The following EBF1 variants were observed in gnomAD, a reference collection of about 807,000 sequenced individuals.
EBF1 encodes the protein EBF transcription factor 1.
Under a neutral mutation model 68.4 loss-of-function variants are expected in EBF1, and 10 were observed. The ratio of observed to expected loss-of-function variants is 0.15; its 90% CI spans 0.09 to 0.25. EBF1 has a LOEUF of 0.25. Ranked by LOEUF, EBF1 falls within the 10% of genes least tolerant of loss-of-function variation. The pLI, the probability that EBF1 is intolerant of heterozygous loss-of-function variation, is 1.00. For missense variants in EBF1, 509 were observed against 794.4 expected, an observed-to-expected ratio of 0.64 and a Z score of 4.32; for synonymous variants, 298 against 299.8, an observed-to-expected ratio of 0.99 and a Z score of 0.06.
intron 6 of EBF1, among the ~76,000 whole-genome samples, chr5:158,950,153 T>C (rs1815662421): frequency 6.6e-6 from 1 of 152,146 alleles, no homozygotes; most frequent in African/African-American, 2.4e-5. Context: ...GGCCCAAAGG[T>C]CTCCAATTAA....
rs575312338 is a variant in EBF1, at chr5:159,030,639, A to T, written c.554+42757T>A. ...GAGCAAGGGGAGCAAGAAATTGGCGATGAGCAAGTACTGAATGTGTCTGGG... is the reference window on the plus strand; with the variant it reads ...GAGCAAGGGGAGCAAGAAATTGGCGTTGAGCAAGTACTGAATGTGTCTGGG... On this transcript the variant is annotated intron_variant, in intron 6 of 15. Coordinates refer to ENST00000313708, the MANE Select transcript of EBF1 (RefSeq NM_024007.5). 5.9e-5 allele frequency among the ~76,000 whole-genome samples: 9 copies of T among 152,344 alleles called. No individual in the cohort carries two copies. The South Asian group carries it at 1.9e-3, about 32-fold the overall frequency.
At chr5:158,985,896 A>C (rs958623384) in intron 6 of EBF1, 1 of 152,380 alleles carries the variant, frequency 6.6e-6, no homozygotes, top group Non-Finnish European at 1.5e-5. Flanking sequence ...TGCCAAGAGG[A>C]CCCATGGAGG....
At position 158,712,230 on chromosome 5, in the gene EBF1, G is replaced by A. The variant is rs1316048866; in HGVS notation, c.1473C>T (p.Tyr491=). Residue 491 remains tyrosine, a synonymous_variant, in exon 14 of 16, where the codon TAC becomes TAT. Transcript: ENST00000313708. ...YNSVTTSMNG[Y]GSAAMSNLGG... ...CCAAATTGGACATTGCGGCAGAGCC[G>A]TATCCGTTCATGCTCGTGGTGACGG... is the stretch of plus-strand genomic sequence containing the variant. 12 of 1,613,814 alleles carry A rather than the reference G, an allele frequency of 7.4e-6. No homozygotes were observed. The highest frequency in any genetic ancestry group is 1.0e-5 in the Non-Finnish European group (12 of 1,179,890).
intron 4 of EBF1, among the ~76,000 whole-genome samples, chr5:159,087,288 AT>A: frequency 6.9e-6 from 1 of 145,256 alleles, no homozygotes; most frequent in East Asian, 2.0e-4. Context: ...ATATATATAT[AT>A]ACACATATAT....
At chr5:158,968,386 A>T (rs191135014) in intron 6 of EBF1, among the ~76,000 whole-genome samples, 2 of 152,360 alleles carry the variant, frequency 1.3e-5, no homozygotes, top group South Asian at 4.1e-4. Flanking sequence ...TCGGCCTAAC[A>T]CTGCCACTGC....
chr5:158,984,354 T>C (rs994644279), intron 6 of EBF1, among the ~76,000 whole-genome samples: 2 of 152,216 alleles, frequency 1.3e-5, no homozygotes, highest in Non-Finnish European at 2.9e-5. Context: ...TTATACTTCA[T>C]TTTTCCATTT....
intron 6 of EBF1, among the ~76,000 whole-genome samples, chr5:159,009,833 G>A (rs1278512038): frequency 6.6e-6 from 1 of 151,502 alleles, no homozygotes; most frequent in African/African-American, 2.4e-5. Context: ...TAGCATAGCT[G>A]ACACTTGTTT....
chr5:158,737,081 T>C (rs1445604475), intron 10 of EBF1, among the ~76,000 whole-genome samples: 2 of 152,068 alleles, frequency 1.3e-5, no homozygotes, highest in Non-Finnish European at 2.9e-5. Flanking sequence ...GAAATGCTTT[T>C]ACAGCCTGGT....
intron 6 of EBF1, among the ~76,000 whole-genome samples, chr5:158,936,336 A>G (rs1480447015): frequency 6.6e-6 from 1 of 152,144 alleles, no homozygotes; most frequent in Non-Finnish European, 1.5e-5. Flanking sequence ...TCTCAGTTCA[A>G]ACTCAGCTGC....
intron 5 of EBF1, among the ~76,000 whole-genome samples, chr5:159,081,777 A>T (rs983243056): frequency 6.6e-6 from 1 of 152,206 alleles, no homozygotes; most frequent in African/African-American, 2.4e-5. Flanking sequence ...ATTTAAACAC[A>T]GGATGTCAGG....
At chr5:159,074,029 T>TTC (rs1778294146) in intron 5 of EBF1, among the ~76,000 whole-genome samples, 1 of 152,090 alleles carries the variant, frequency 6.6e-6, no homozygotes, top group African/African-American at 2.4e-5. Flanking sequence ...AGAATAAAGG[T>TTC]AAAACACAAT....
intron 6 of EBF1, among the ~76,000 whole-genome samples, chr5:158,848,974 TACTC>T (rs1562109094): frequency 6.6e-6 from 1 of 152,220 alleles, no homozygotes; most frequent in Non-Finnish European, 1.5e-5. Context: ...TTCATTCACT[TACTC>T]AACCAACAGA....
intron 6 of EBF1, among the ~76,000 whole-genome samples, chr5:158,981,838 G>A (rs1757958291): frequency 1.3e-5 from 2 of 152,000 alleles, no homozygotes; most frequent in South Asian, 2.1e-4. Context: ...CATCAAAACA[G>A]TGCTGATAGA....
At chr5:158,969,765 A>C (rs1010514092) in intron 6 of EBF1, among the ~76,000 whole-genome samples, 1 of 150,732 alleles carries the variant, frequency 6.6e-6, no homozygotes, top group Non-Finnish European at 1.5e-5. Context: ...ATAGAGTGAG[A>C]CTCTGGAAAG....
chr5:159,083,412 A>C (rs1780068972), intron 5 of EBF1, among the ~76,000 whole-genome samples: 1 of 152,226 alleles, frequency 6.6e-6, no homozygotes, highest in Non-Finnish European at 1.5e-5. Context: ...ACTGTTTTAA[A>C]ATTAGAGAAA....
Position 158,777,322 on chromosome 5 carries a change from A to C in EBF1, c.1036+91T>G. Reference sequence around the variant, plus strand: ...AAGCAGGCTTTAACTAGATTTTAAAATAAAATACATGCTTTTATACAGACA... The same window carrying C: ...AAGCAGGCTTTAACTAGATTTTAAACTAAAATACATGCTTTTATACAGACA... On this transcript the variant is annotated intron_variant, in intron 10 of 15. Coordinates refer to ENST00000313708, the MANE Select transcript of EBF1 (RefSeq NM_024007.5). 6 of 1,323,818 alleles carry C rather than the reference A, an allele frequency of 4.5e-6. No homozygotes were observed. The Admixed American group carries it at 1.7e-4, about 37-fold the overall frequency. 82.0% of individuals were successfully genotyped at this position (1,323,818 alleles called of 1,614,324 possible).
chr5:159,023,202 A>G (rs1767058947), intron 6 of EBF1, among the ~76,000 whole-genome samples: 1 of 152,104 alleles, frequency 6.6e-6, no homozygotes, highest in African/African-American at 2.4e-5. Flanking sequence ...AAAAAAAAAA[A>G]AAGCTAAGTT....
At chr5:158,931,633 A>G (rs531973975) in intron 6 of EBF1, among the ~76,000 whole-genome samples, 1 of 152,366 alleles carries the variant, frequency 6.6e-6, no homozygotes, top group South Asian at 2.1e-4. Context: ...AATATTATAT[A>G]AACAGTCACT....
At chr5:158,977,121 A>G (rs2161356) in intron 6 of EBF1, among the ~76,000 whole-genome samples, 29,750 of 152,152 alleles carry the variant, frequency 0.2, 3,712 homozygotes, top group South Asian at 0.42. Flanking sequence ...ATGGAACCAG[A>G]GTGAACCAAC....
Sources: gnomAD v4.1 joint callset for allele counts (sites outside exome capture counted in the v4.1 genomes callset) on GRCh38, gnomAD v4.1.1 for gene constraint, MANE v1.5 for transcripts, NCBI Gene and HGNC (gene_info 2026-07-23, HGNC 2026-07-21) for gene names.